Variants in IQCM observed in about 807,000 individuals in gnomAD.
IQCM encodes the protein IQ motif containing M, also known as IQ domain-containing protein M.
IQCM carries 45 observed loss-of-function variants against 57.6 expected under a neutral mutation model. The ratio of observed to expected loss-of-function variants is 0.78; its 90% CI spans 0.62 to 1.00. The LOEUF (loss-of-function observed/expected upper bound fraction) is 1.00, where lower values mean the gene tolerates loss of function less well. Among genes scored for constraint, IQCM ranks in the 50% least tolerant of loss-of-function variants. The pLI, the probability that IQCM is intolerant of heterozygous loss-of-function variation, is 0.00. For synonymous variants in IQCM, 148 were observed against 158.9 expected, an observed-to-expected ratio of 0.93 and a Z score of 0.51; for missense variants, 468 against 511.6, an observed-to-expected ratio of 0.91 and a Z score of 0.82.
intron 5 of IQCM, chr4:149,711,016 G>A (rs1764520319): frequency 6.6e-6 from 1 of 152,130 alleles, no homozygotes; most frequent in Admixed American, 6.5e-5. Flanking sequence ...GAAGAAGCAG[G>A]AAAGTACTCA....
intron 12 of IQCM, among the ~76,000 whole-genome samples, chr4:149,503,443 A>G (rs1026391075): frequency 6.6e-6 from 1 of 152,240 alleles, no homozygotes; most frequent in Non-Finnish European, 1.5e-5. Context: ...GGATGAGGGG[A>G]ACCAAAATCA....
At chr4:149,546,482 C>T (rs111483651) in intron 12 of IQCM, among the ~76,000 whole-genome samples, 6 of 152,272 alleles carry the variant, frequency 3.9e-5, no homozygotes, top group African/African-American at 9.6e-5. Flanking sequence ...CCAGCACCTG[C>T]TGTTTCCTGA....
At chr4:149,515,699 T>G (rs1429490703) in intron 12 of IQCM, among the ~76,000 whole-genome samples, 1 of 152,210 alleles carries the variant, frequency 6.6e-6, no homozygotes, top group African/African-American at 2.4e-5. Context: ...CACTTGGTTG[T>G]GCACTTTGCA....
intron 13 of IQCM, among the ~76,000 whole-genome samples, chr4:149,377,779 C>T (rs979073939): frequency 6.6e-6 from 1 of 152,120 alleles, no homozygotes; most frequent in Non-Finnish European, 1.5e-5. Context: ...AGCTTGAAAT[C>T]AGCCATATTG....
intron 12 of IQCM, among the ~76,000 whole-genome samples, chr4:149,496,827 A>G (rs1446474529): frequency 6.6e-6 from 1 of 152,172 alleles, no homozygotes; most frequent in African/African-American, 2.4e-5. Flanking sequence ...CTTTCATTCA[A>G]TATTCATTAA....
At chr4:149,395,989 C>T (rs1732199099) in intron 13 of IQCM, among the ~76,000 whole-genome samples, 1 of 151,890 alleles carries the variant, frequency 6.6e-6, no homozygotes, top group Non-Finnish European at 1.5e-5. Context: ...AAATTTAAAA[C>T]AAGTAGGCAA....
chr4:149,787,764 T>A lies in IQCM; in HGVS notation c.-49+27547A>T, dbSNP rs573273791. ...AAAACAGGGAAAACACCTCAAAACA[T>A]TGGTGTAGACAATGATTTTATGGCT... On this transcript the variant is annotated intron_variant, in intron 2 of 13. Transcript: ENST00000636793. 4.6e-5 allele frequency among the ~76,000 whole-genome samples: 7 copies of A among 151,992 alleles called. No individual in the cohort carries two copies. The South Asian group carries it at 1.5e-3, about 32-fold the overall frequency.
chr4:149,619,138 T>C (rs551236743), intron 8 of IQCM, among the ~76,000 whole-genome samples: 60 of 105,212 alleles, frequency 5.7e-4, no homozygotes, highest in Non-Finnish European at 9.6e-4. Context: ...ATATACACCA[T>C]GGAATACTAC....
At chr4:149,356,849 TCA>T (rs1729031163) in intron 13 of IQCM, among the ~76,000 whole-genome samples, 4 of 152,360 alleles carry the variant, frequency 2.6e-5, no homozygotes, top group African/African-American at 9.6e-5. Context: ...ATGGCCATTT[TCA>T]TCATATTGAT....
intron 1 of IQCM, 79 bp from the exon 2 acceptor site, chr4:149,815,427 C>T (rs1211155928): frequency 1.3e-5 from 2 of 151,874 alleles, no homozygotes; most frequent in African/African-American, 4.8e-5. Flanking sequence ...TATATCTTAT[C>T]ATCTAAGCAA....
intron 5 of IQCM, among the ~76,000 whole-genome samples, chr4:149,691,359 G>C (rs1762925925): frequency 6.6e-6 from 1 of 152,104 alleles, no homozygotes; most frequent in African/African-American, 2.4e-5. Context: ...TTTGTTTACT[G>C]TACTTATTTA....
chr4:149,380,400 T>G (rs1485650992), intron 13 of IQCM, among the ~76,000 whole-genome samples: 4 of 152,182 alleles, frequency 2.6e-5, no homozygotes, highest in Non-Finnish European at 4.4e-5. Flanking sequence ...CAGATGTAAT[T>G]ACAAAGTTAT....
chr4:149,359,055 G>A (rs747933954), intron 13 of IQCM, among the ~76,000 whole-genome samples: 18 of 151,994 alleles, frequency 1.2e-4, no homozygotes, highest in Admixed American at 8.5e-4. Flanking sequence ...GTTTCCATAA[G>A]CTGGGTAGAG....
chr4:149,530,526 G>A (rs1746622425), intron 12 of IQCM, among the ~76,000 whole-genome samples: 1 of 152,136 alleles, frequency 6.6e-6, no homozygotes, highest in African/African-American at 2.4e-5. Flanking sequence ...CATAAAAGTA[G>A]TTTTGAAATA....
At chr4:149,627,236 G>T (rs912755549) in intron 7 of IQCM, among the ~76,000 whole-genome samples, 1 of 152,188 alleles carries the variant, frequency 6.6e-6, no homozygotes, top group Non-Finnish European at 1.5e-5. Flanking sequence ...GAATAGGAAA[G>T]TCTCCACCTC....
At chr4:149,637,098 G>A (rs1428017680) in intron 7 of IQCM, among the ~76,000 whole-genome samples, 1 of 147,710 alleles carries the variant, frequency 6.8e-6, no homozygotes, top group African/African-American at 2.5e-5. Flanking sequence ...AGCCGAGATT[G>A]CGCCACTGCA....
At chr4:149,709,992 A>G (rs1233576183) in intron 5 of IQCM, among the ~76,000 whole-genome samples, 2 of 152,164 alleles carry the variant, frequency 1.3e-5, no homozygotes, top group Admixed American at 1.3e-4. Flanking sequence ...AACAGTGAAA[A>G]TCAACTCTTT....
chr4:149,489,314 T>C (rs17586124), intron 12 of IQCM, among the ~76,000 whole-genome samples: 32,946 of 152,046 alleles, frequency 0.22, 4,478 homozygotes, highest in Non-Finnish European at 0.29. Context: ...GAAGACAGAA[T>C]GCTGTTTTAA....
intron 5 of IQCM, among the ~76,000 whole-genome samples, chr4:149,728,070 G>A (rs566067427): frequency 4.6e-5 from 7 of 152,180 alleles, no homozygotes; most frequent in South Asian, 4.1e-4. Flanking sequence ...GTGCTAGCAC[G>A]GCACTGACTA....
Sources: allele counts gnomAD v4.1 joint callset (sites outside exome capture counted in the v4.1 genomes callset), GRCh38; gene constraint gnomAD v4.1.1; transcripts MANE v1.5; gene names NCBI Gene and HGNC (gene_info 2026-07-23, HGNC 2026-07-21).